Variants in CAST observed in about 807,000 individuals in gnomAD.
The protein encoded by CAST is MIR583 host.
Under a neutral mutation model 119.6 loss-of-function variants are expected in CAST, and 76 were observed. The observed-to-expected ratio is 0.64, with a 90% CI of 0.53 to 0.77. CAST has a LOEUF of 0.77. Among genes scored for constraint, CAST ranks in the 30% least tolerant of loss-of-function variants. The pLI, the probability that CAST is intolerant of heterozygous loss-of-function variation, is 0.00. For missense variants in CAST, 953 were observed against 946.5 expected (o/e 1.01, Z -0.09); for synonymous variants, 319 against 331.6 (o/e 0.96, Z 0.41).
chr5:96,713,969 G>C (rs1028440394), intron 3 of CAST, among the ~76,000 whole-genome samples: 2 of 151,888 alleles, frequency 1.3e-5, no homozygotes, highest in African/African-American at 4.8e-5. Flanking sequence ...GCAATACTCT[G>C]TCCAAAAAAA....
upstream of CAST, among the ~76,000 whole-genome samples, chr5:96,660,686 G>C (rs564553489): frequency 6.6e-6 from 1 of 152,176 alleles, no homozygotes; most frequent in Non-Finnish European, 1.5e-5. Flanking sequence ...CAGGAAGGAG[G>C]AGCTGCCTGT....
At chr5:96,228,139 G>A in the CAST span, among the ~76,000 whole-genome samples, 1 of 152,020 alleles carries the variant, frequency 6.6e-6, no homozygotes. Flanking sequence ...CCTATGAGGT[G>A]GCAAGACTAA....
chr5:96,266,478 T>A, the CAST span, among the ~76,000 whole-genome samples: 1 of 152,180 alleles, frequency 6.6e-6, no homozygotes, highest in Non-Finnish European at 1.5e-5. Context: ...GCTCTGTACC[T>A]GGACCAAAGG....
the CAST span, among the ~76,000 whole-genome samples, chr5:96,182,038 A>G: frequency 2.0e-5 from 3 of 152,246 alleles, no homozygotes; most frequent in Non-Finnish European, 4.4e-5. Flanking sequence ...GTAACAGTCA[A>G]ATAAAATACT....
At chr5:96,736,917 T>C (rs1173872278) in intron 10 of CAST, among the ~76,000 whole-genome samples, 9 of 152,188 alleles carry the variant, frequency 5.9e-5, no homozygotes, top group Non-Finnish European at 2.9e-5. Context: ...CTCACATTTC[T>C]GTGTGGCTGG....
At chr5:96,019,046 C>T in the CAST span, among the ~76,000 whole-genome samples, 1,162 of 152,258 alleles carry the variant, frequency 7.6e-3, 14 homozygotes, top group African/African-American at 0.027. Flanking sequence ...AAGATATTGC[C>T]ACCATTTCTG....
Position 96,682,221 on chromosome 5 carries a change from C to G in CAST, c.138+6620C>G, listed in dbSNP as rs139493315. ...TACTGTAATTCTGACATTAGACATT[C>G]ACTAATCATCTGCCTCACAATTTTC... On this transcript the variant is annotated intron_variant, in intron 2 of 31. Coordinates refer to ENST00000675179, the MANE Select transcript of CAST (RefSeq NM_001750.7). Among the ~76,000 whole-genome samples, 222 of 152,306 alleles carry G rather than the reference C, an allele frequency of 1.5e-3. 1 individual carries two copies. The highest frequency in any genetic ancestry group is 5.1e-3 in the African/African-American group (213 of 41,574).
At chr5:96,480,192 C>T in the CAST span, among the ~76,000 whole-genome samples, 23 of 152,114 alleles carry the variant, frequency 1.5e-4, no homozygotes, top group African/African-American at 5.1e-4. Flanking sequence ...GGAAATAAGG[C>T]AGGTTGGAAC....
At chr5:96,158,094 A>G in the CAST span, among the ~76,000 whole-genome samples, 46 of 151,086 alleles carry the variant, frequency 3.0e-4, no homozygotes, top group South Asian at 9.9e-3. Flanking sequence ...ACACACAAAA[A>G]AACCCAACAC....
At chr5:96,227,955 T>C in the CAST span, among the ~76,000 whole-genome samples, 1 of 152,144 alleles carries the variant, frequency 6.6e-6, no homozygotes, top group African/African-American at 2.4e-5. Context: ...AAAAATGATT[T>C]TCAGCTTCAC....
chr5:96,204,243 G>T, the CAST span, among the ~76,000 whole-genome samples: 2 of 151,990 alleles, frequency 1.3e-5, no homozygotes, highest in East Asian at 1.9e-4. Context: ...GGTTTCATCC[G>T]CTTTCCAGCA....
chr5:96,747,430 A>G, intron 18 of CAST, 38 bp downstream of exon 18: 1 of 1,269,904 alleles, frequency 7.9e-7, no homozygotes, highest in Non-Finnish European at 1.1e-6. Context: ...TTAAAGAACA[A>G]TAGACATGTA....
chr5:96,470,286 C>A, the CAST span, among the ~76,000 whole-genome samples: 3 of 151,456 alleles, frequency 2.0e-5, no homozygotes, highest in Admixed American at 6.6e-5. Flanking sequence ...TCTTTTATAT[C>A]GAAAAATATA....
At chr5:96,734,757 A>C (rs1041248437) in intron 9 of CAST, among the ~76,000 whole-genome samples, 1 of 152,206 alleles carries the variant, frequency 6.6e-6, no homozygotes, top group Non-Finnish European at 1.5e-5. Flanking sequence ...CCTGGGTACC[A>C]TTGGCAGGAG....
At chr5:96,017,697 A>T in the CAST span, among the ~76,000 whole-genome samples, 2 of 152,130 alleles carry the variant, frequency 1.3e-5, no homozygotes, top group Admixed American at 1.3e-4. Flanking sequence ...AGGAAATGAG[A>T]TATAAAAATA....
chr5:96,382,563 G>C, the CAST span, among the ~76,000 whole-genome samples: 10,461 of 152,146 alleles, frequency 0.069, 1,259 homozygotes, highest in African/African-American at 0.24. Flanking sequence ...TTGCATACCA[G>C]GCATTGTGCT....
the CAST span, among the ~76,000 whole-genome samples, chr5:96,495,928 C>T: frequency 6.6e-6 from 1 of 152,064 alleles, no homozygotes; most frequent in East Asian, 1.9e-4. Context: ...TTTTCAATGT[C>T]CTTTAATTTT....
the CAST span, among the ~76,000 whole-genome samples, chr5:96,116,761 C>CT: frequency 6.6e-6 from 1 of 152,094 alleles, no homozygotes; most frequent in African/African-American, 2.4e-5. Context: ...CTTTAGCTTA[C>CT]TTTTTTAAAA....
At chr5:96,510,321 A>T in the CAST span, among the ~76,000 whole-genome samples, 2 of 152,248 alleles carry the variant, frequency 1.3e-5, no homozygotes, top group African/African-American at 4.8e-5. Flanking sequence ...TCTTTGCTCC[A>T]GTAGATTCTA....
Sources: allele counts gnomAD v4.1 joint callset (sites outside exome capture counted in the v4.1 genomes callset), GRCh38; gene constraint gnomAD v4.1.1; transcripts MANE v1.5; gene names NCBI Gene and HGNC (gene_info 2026-07-23, HGNC 2026-07-21).